Variants in AGAP1 observed in about 807,000 individuals in gnomAD.
AGAP1 encodes the protein ArfGAP with GTPase domain, ankyrin repeat and PH domain 1.
A neutral mutation model predicts 105.3 loss-of-function variants in AGAP1; 29 were observed. The observed-to-expected ratio is 0.28, with a 90% CI of 0.21 to 0.38. The LOEUF (loss-of-function observed/expected upper bound fraction) is 0.38, where lower values mean the gene tolerates loss of function less well. AGAP1 is among the 10% of genes least tolerant of loss of function. AGAP1 has a pLI of 1.00. For synonymous variants in AGAP1, 509 were observed against 485.9 expected, an observed-to-expected ratio of 1.05 and a Z score of -0.63; for missense variants, 998 against 1,165.1, an observed-to-expected ratio of 0.86 and a Z score of 2.09.
chr2:235,773,949 C>CT (rs1364203737), intron 6 of AGAP1: 1 of 470,706 alleles, frequency 2.1e-6, no homozygotes, highest in Non-Finnish European at 4.4e-6. Flanking sequence ...TTCATCTCAC[C>CT]TGCTGGTCCA....
At chr2:235,717,028 C>G (rs1478577953) in intron 2 of AGAP1, among the ~76,000 whole-genome samples, 4 of 152,088 alleles carry the variant, frequency 2.6e-5, no homozygotes, top group African/African-American at 9.7e-5. Flanking sequence ...GCCTGTGTGG[C>G]CGGCCCCTGC....
chr2:236,049,408 C>CGG, intron 16 of AGAP1, 127 bp downstream of exon 16: 1 of 814,756 alleles, frequency 1.2e-6, no homozygotes, highest in South Asian at 1.8e-5. Flanking sequence ...AATTCCGATT[C>CGG]ATCCGGCATA....
At chr2:235,860,752 T>C (rs964477657) in intron 9 of AGAP1, among the ~76,000 whole-genome samples, 3 of 152,230 alleles carry the variant, frequency 2.0e-5, no homozygotes, top group African/African-American at 4.8e-5. Flanking sequence ...TATTCAGCCG[T>C]TCTTTTTTGA....
At position 235,812,328 on chromosome 2, in the gene AGAP1, G is replaced by A. The variant is rs532496399; in HGVS notation, c.1050+4997G>A. On this transcript the variant is annotated intron_variant, in intron 9 of 17. Coordinates refer to ENST00000304032, the MANE Select transcript of AGAP1 (RefSeq NM_001037131.3). ...GAGCCGGCCTGCCCGGGGCAAGCCC[G>A]CCGCACCCGCCATCGGGCCTGTGAA... Among the ~76,000 whole-genome samples, 300 of 152,324 alleles carry A rather than the reference G, an allele frequency of 2.0e-3. 2 individuals are homozygous for A. Among genetic ancestry groups the A allele is most frequent in the African/African-American group, 6.8e-3 (281 of 41,590 alleles).
At chr2:235,985,851 C>T (rs560465110) in intron 13 of AGAP1, among the ~76,000 whole-genome samples, 4 of 152,178 alleles carry the variant, frequency 2.6e-5, no homozygotes, top group Non-Finnish European at 5.9e-5. Context: ...GTACCAGTAC[C>T]ATGCTGTTTT....
chr2:235,605,827 C>T (rs1377729061), intron 1 of AGAP1, among the ~76,000 whole-genome samples: 1 of 152,192 alleles, frequency 6.6e-6, no homozygotes, highest in African/African-American at 2.4e-5. Flanking sequence ...GTATAGAGGA[C>T]GCGGTGTACG....
chr2:236,120,745 G>A lies in AGAP1; in HGVS notation c.2370+298G>A, dbSNP rs1258632424. 1.3e-5 allele frequency among the ~76,000 whole-genome samples: 2 copies of A among 152,194 alleles called. No individual in the cohort carries two copies. Among genetic ancestry groups the A allele is most frequent in the Non-Finnish European group, 2.9e-5 (2 of 68,040 alleles). ...CATCATCTTCTGGAGAGAAGGCGGT[G>A]TATTAACGGGATGGCTTGTAGGGTT... On this transcript the variant is annotated intron_variant, in intron 17 of 17. Transcript: ENST00000304032. This position sits in a 1 kb window ranked among gnomAD's most constrained non-coding sequence, Gnocchi z 6.0.
At chr2:235,808,617 C>A (rs1236096628) in intron 9 of AGAP1, among the ~76,000 whole-genome samples, 2 of 152,130 alleles carry the variant, frequency 1.3e-5, no homozygotes, top group Admixed American at 1.3e-4. Context: ...CGACCCTGCC[C>A]GGGAGCAAGC....
rs1297099991 is a variant in AGAP1, at chr2:236,020,841, CT to C, written c.1646-15719del. Among the ~76,000 whole-genome samples, 2 of 152,136 alleles carry C rather than the reference CT, an allele frequency of 1.3e-5. No homozygotes were observed. The highest frequency in any genetic ancestry group is 1.3e-4 in the Admixed American group (2 of 15,278). On this transcript the variant is annotated intron_variant, in intron 13 of 17. Coordinates refer to ENST00000304032, the MANE Select transcript of AGAP1 (RefSeq NM_001037131.3). The surrounding 1 kb of genome is among the most constrained non-coding windows in gnomAD (Gnocchi z 5.0). Reference sequence around the variant, plus strand: ...AGAGCAGAGCTGGCCAAAGCCACCCCTCCTCAGTGATGAGCAGCACCAACTA... The same window carrying C: ...AGAGCAGAGCTGGCCAAAGCCACCCCCCTCAGTGATGAGCAGCACCAACTA...
chr2:235,758,833 C>T (rs1954155486), intron 6 of AGAP1, among the ~76,000 whole-genome samples: 1 of 152,196 alleles, frequency 6.6e-6, no homozygotes, highest in Non-Finnish European at 1.5e-5. Flanking sequence ...CTCACTGTCA[C>T]ACAAGCTGGA....
chr2:236,102,220 A>G (rs201795438), intron 16 of AGAP1, among the ~76,000 whole-genome samples: 23 of 152,132 alleles, frequency 1.5e-4, no homozygotes, highest in Middle Eastern at 3.4e-3. Flanking sequence ...GATCGAGACC[A>G]TCCTGGCTAA....
At chr2:236,094,758 A>G (rs2059150967) in intron 16 of AGAP1, among the ~76,000 whole-genome samples, 1 of 151,916 alleles carries the variant, frequency 6.6e-6, no homozygotes, top group Non-Finnish European at 1.5e-5. Context: ...ATTTCCACAT[A>G]CCCAAAACAA....
intron 1 of AGAP1, among the ~76,000 whole-genome samples, chr2:235,677,959 C>CAAAAAAAAAAAAAAA (rs1448333130): frequency 1.0e-4 from 7 of 67,374 alleles, no homozygotes; most frequent in East Asian, 4.9e-4. Flanking sequence ...AAAAAAAAAG[C>CAAAAAAAAAAAAAAA]AAAACCAGTT....
intron 6 of AGAP1, among the ~76,000 whole-genome samples, chr2:235,781,115 G>A (rs913548932): frequency 6.6e-6 from 1 of 152,098 alleles, no homozygotes; most frequent in Non-Finnish European, 1.5e-5. Flanking sequence ...ATCTGGGTAT[G>A]TCTAAAGTAA....
intron 1 of AGAP1, among the ~76,000 whole-genome samples, chr2:235,509,525 G>A (rs1045514002): frequency 2.6e-5 from 4 of 152,032 alleles, no homozygotes; most frequent in Non-Finnish European, 5.9e-5. Context: ...GAGCCACCAC[G>A]CCCGGCCAGA....
chr2:236,047,429 T>C (rs941848212), intron 15 of AGAP1, among the ~76,000 whole-genome samples: 13 of 152,014 alleles, frequency 8.6e-5, no homozygotes, highest in African/African-American at 2.7e-4. Flanking sequence ...GTGTCCCCGC[T>C]GCCCTCTTCC....
At chr2:235,506,730 C>T (rs139128591) in intron 1 of AGAP1, among the ~76,000 whole-genome samples, 22 of 152,276 alleles carry the variant, frequency 1.4e-4, no homozygotes, top group East Asian at 1.2e-3. Context: ...AAGCCACACA[C>T]GAAAGCTAAG....
At chr2:236,088,124 C>A (rs1480844396) in intron 16 of AGAP1, among the ~76,000 whole-genome samples, 1 of 152,206 alleles carries the variant, frequency 6.6e-6, no homozygotes, top group African/African-American at 2.4e-5. Context: ...GTGAACCTTA[C>A]CCAGCTGGGC....
intron 1 of AGAP1, among the ~76,000 whole-genome samples, chr2:235,554,398 T>C (rs1943909356): frequency 6.6e-6 from 1 of 152,168 alleles, no homozygotes; most frequent in East Asian, 1.9e-4. Flanking sequence ...AGAGTAGAGA[T>C]GGGGCACCTG....
Sources: allele counts gnomAD v4.1 joint callset (sites outside exome capture counted in the v4.1 genomes callset), GRCh38; gene constraint gnomAD v4.1.1; non-coding constraint Gnocchi (gnomAD v3.1); transcripts MANE v1.5; gene names NCBI Gene and HGNC (gene_info 2026-07-23, HGNC 2026-07-21).